ZNF821: variants seen among roughly 807,000 people sequenced by gnomAD.
The protein encoded by ZNF821 is zinc finger protein 821.
ZNF821 carries 16 observed loss-of-function variants against 44.3 expected under a neutral mutation model. The ratio of observed to expected loss-of-function variants is 0.36; its 90% confidence interval spans 0.24 to 0.55. ZNF821 has a LOEUF of 0.55. Ranked by LOEUF, ZNF821 falls within the 20% of genes least tolerant of loss-of-function variation. The pLI is 0.86. For synonymous variants in ZNF821, 204 were observed against 197.6 expected (o/e 1.03, Z -0.27); for missense variants, 436 against 547.6 (o/e 0.80, Z 2.03).
chr16:71,894,699 T>TTA, intron 1 of ZNF821: 1 of 153,856 alleles, frequency 6.5e-6, no homozygotes. Context: ...AATTTTTAAC[T>TTA]TTTTTTTTTT....
At chr16:71,883,161 A>G (rs1036098524) in intron 2 of ZNF821, 50 bp downstream of exon 2, 1 of 455,488 alleles carries the variant, frequency 2.2e-6, no homozygotes, top group Non-Finnish European at 4.4e-6. Context: ...CTTTGGCAAG[A>G]AAAAAAACGA....
At chr16:71,866,208 T>C (rs1252867719) in intron 4 of ZNF821, among the ~76,000 whole-genome samples, 1 of 152,152 alleles carries the variant, frequency 6.6e-6, no homozygotes, top group Admixed American at 6.6e-5. Flanking sequence ...GCTAACAGTG[T>C]GCCTGTCTTC....
At chr16:71,866,261 C>T (rs1170620739) in intron 4 of ZNF821, among the ~76,000 whole-genome samples, 1 of 152,210 alleles carries the variant, frequency 6.6e-6, no homozygotes, top group East Asian at 1.9e-4. Flanking sequence ...AGTATGAGAG[C>T]AACATATTTC....
chr16:71,875,834 G>C (rs1028167597), intron 3 of ZNF821, among the ~76,000 whole-genome samples: 4 of 151,832 alleles, frequency 2.6e-5, no homozygotes, highest in Non-Finnish European at 5.9e-5. Context: ...CCTGACCTCA[G>C]GTGATCCGCC....
At chr16:71,890,164 T>A (rs1024414774) in intron 1 of ZNF821, among the ~76,000 whole-genome samples, 4 of 152,120 alleles carry the variant, frequency 2.6e-5, no homozygotes, top group Admixed American at 6.6e-5. Flanking sequence ...CTTTAACAAG[T>A]GATCTTGATT....
chr16:71,883,354 G>T (rs1267136550), intron 1 of ZNF821, 81 bp from the exon 2 acceptor site: 3 of 373,328 alleles, frequency 8.0e-6, no homozygotes, highest in Non-Finnish European at 1.6e-5. Context: ...GGTCTGGGGC[G>T]TGTCTAATCA....
At chr16:71,870,612 A>T (rs958545829) in intron 3 of ZNF821, among the ~76,000 whole-genome samples, 3 of 151,468 alleles carry the variant, frequency 2.0e-5, no homozygotes, top group African/African-American at 7.3e-5. Context: ...CCTGAGTAGC[A>T]GGGATTACAA....
At chr16:71,865,172 T>A in intron 4 of ZNF821, 124 bp from the exon 5 acceptor site, 2 of 1,288,020 alleles carry the variant, frequency 1.6e-6, no homozygotes, top group Non-Finnish European at 1.1e-6. Flanking sequence ...ATAGTTTATA[T>A]AGTTTTGTTG....
At chr16:71,873,259 T>C (rs1392475291) in intron 3 of ZNF821, among the ~76,000 whole-genome samples, 1 of 151,774 alleles carries the variant, frequency 6.6e-6, no homozygotes, top group Admixed American at 6.6e-5. Context: ...GAGGCGGAGG[T>C]TGCAGTGAGC....
chr16:71,864,795 C>T, intron 5 of ZNF821, 108 bp downstream of exon 5: 1 of 1,434,780 alleles, frequency 7.0e-7, no homozygotes, highest in African/African-American at 1.4e-5. Context: ...CCCATGCAGG[C>T]CCAGGAGACC....
At chr16:71,878,785 AGC>A (rs1426250880) in intron 3 of ZNF821, among the ~76,000 whole-genome samples, 1 of 152,042 alleles carries the variant, frequency 6.6e-6, no homozygotes, top group African/African-American at 2.4e-5. Flanking sequence ...CAAAAAAATT[AGC>A]TGGGCATGGT....
chr16:71,874,264 G>T (rs931201103), intron 3 of ZNF821, among the ~76,000 whole-genome samples: 3 of 151,784 alleles, frequency 2.0e-5, no homozygotes, highest in African/African-American at 7.3e-5. Flanking sequence ...GCCCGACCTG[G>T]GAATTCTTAA....
intron 3 of ZNF821, among the ~76,000 whole-genome samples, chr16:71,869,578 A>G (rs1355845356): frequency 6.6e-6 from 1 of 152,202 alleles, no homozygotes; most frequent in Non-Finnish European, 1.5e-5. Flanking sequence ...TACTTAGGAG[A>G]AAACTAAGGT....
At chr16:71,893,029 C>CTTTTTTTT (rs1199482590) in intron 1 of ZNF821, among the ~76,000 whole-genome samples, 1,094 of 65,878 alleles carry the variant, frequency 0.017, 188 homozygotes, top group Non-Finnish European at 0.022. Context: ...CCCTGCCTGG[C>CTTTTTTTT]TTTTTTTTTT....
At chr16:71,867,801 C>A (rs1426359116) in intron 4 of ZNF821, 111 bp downstream of exon 4, 19 of 1,399,076 alleles carry the variant, frequency 1.4e-5, no homozygotes. Flanking sequence ...ATCCACATAT[C>A]TCCTTTTTCA....
At chr16:71,890,162 A>G (rs2036877452) in intron 1 of ZNF821, among the ~76,000 whole-genome samples, 1 of 152,148 alleles carries the variant, frequency 6.6e-6, no homozygotes, top group Non-Finnish European at 1.5e-5. Flanking sequence ...TTCTTTAACA[A>G]GTGATCTTGA....
At chr16:71,862,219 G>T (rs1359248352) in intron 6 of ZNF821, among the ~76,000 whole-genome samples, 1 of 152,230 alleles carries the variant, frequency 6.6e-6, no homozygotes. Context: ...GCTCATGCCT[G>T]TAATCCCAAC....
chr16:71,889,737 C>T (rs2036875679), upstream of ZNF821, among the ~76,000 whole-genome samples: 1 of 151,892 alleles, frequency 6.6e-6, no homozygotes, highest in South Asian at 2.1e-4. Context: ...CCCGAAAAAA[C>T]CTGACCTGAT....
intron 3 of ZNF821, among the ~76,000 whole-genome samples, chr16:71,877,002 C>A (rs1310550185): frequency 6.6e-6 from 1 of 152,198 alleles, no homozygotes; most frequent in Non-Finnish European, 1.5e-5. Flanking sequence ...CTAAACCACT[C>A]ATCTGTGTAT....
Sources: allele counts gnomAD v4.1 joint callset (sites outside exome capture counted in the v4.1 genomes callset), GRCh38; gene constraint gnomAD v4.1.1; transcripts MANE v1.5; gene names NCBI Gene and HGNC (gene_info 2026-07-23, HGNC 2026-07-21).